Variants in PLCL1 observed in about 807,000 individuals in gnomAD.
PLCL1 encodes phospholipase C like 1 (inactive), also known as inactive phospholipase C-like protein 1.
A neutral mutation model predicts 84.4 loss-of-function variants in PLCL1; 41 were observed. The ratio of observed to expected loss-of-function variants is 0.49; its 90% CI spans 0.38 to 0.63. The LOEUF (loss-of-function observed/expected upper bound fraction) is 0.63, where lower values mean the gene tolerates loss of function less well. Ranked by LOEUF, PLCL1 falls within the 30% of genes least tolerant of loss-of-function variation. The pLI is 0.00. For missense variants in PLCL1, 1,206 were observed against 1,367.8 expected (o/e 0.88, Z 1.87); for synonymous variants, 490 against 488.3 (o/e 1.00, Z -0.05).
At chr2:197,866,320 T>G (rs952193608) in intron 1 of PLCL1, among the ~76,000 whole-genome samples, 1 of 151,268 alleles carries the variant, frequency 6.6e-6, no homozygotes, top group African/African-American at 2.4e-5. Flanking sequence ...GAAAATGTTC[T>G]TTGTAAACAG....
intron 3 of PLCL1, among the ~76,000 whole-genome samples, chr2:198,100,800 G>A (rs953519604): frequency 6.6e-6 from 1 of 151,724 alleles, no homozygotes; most frequent in African/African-American, 2.4e-5. Flanking sequence ...TCATTTTTTT[G>A]GTGGGAGTGG....
intron 1 of PLCL1, among the ~76,000 whole-genome samples, chr2:197,870,864 G>A (rs1367340535): frequency 1.3e-5 from 2 of 152,100 alleles, no homozygotes; most frequent in Admixed American, 6.6e-5. Context: ...CTACTGGGGG[G>A]AAAAGAGACC....
intron 5 of PLCL1, among the ~76,000 whole-genome samples, chr2:198,115,750 A>G (rs1693729647): frequency 6.6e-6 from 1 of 151,648 alleles, no homozygotes; most frequent in South Asian, 2.1e-4. Context: ...TTATAAAACC[A>G]TCAGGTCTCG....
At chr2:198,095,657 T>C (rs1693173533) in intron 3 of PLCL1, among the ~76,000 whole-genome samples, 1 of 152,200 alleles carries the variant, frequency 6.6e-6, no homozygotes. Flanking sequence ...GGGATGTGAA[T>C]ATGTTACTCA....
Position 198,061,257 on chromosome 2 carries a change from C to G in PLCL1, c.241-22501C>G, listed in dbSNP as rs574159891. Among the ~76,000 whole-genome samples, 26 of 152,278 alleles carry G rather than the reference C, an allele frequency of 1.7e-4. No individual in the cohort carries two copies. The East Asian group carries it at 5.0e-3, about 29-fold the overall frequency. On this transcript the variant is annotated intron_variant, in intron 1 of 5. Coordinates refer to ENST00000428675, the MANE Select transcript of PLCL1 (RefSeq NM_006226.4). The stretch of plus-strand genomic sequence containing the variant: ...AAAGATGTGAACATTTTATCTAAAA[C>G]GTGCACTCTGTTAATTAGTAACTTT...
intron 1 of PLCL1, among the ~76,000 whole-genome samples, chr2:198,016,146 C>A (rs1466165174): frequency 2.6e-5 from 4 of 152,068 alleles, no homozygotes; most frequent in African/African-American, 9.7e-5. Context: ...TGAGGAGGGA[C>A]AGATGAATGG....
intron 3 of PLCL1, among the ~76,000 whole-genome samples, chr2:198,097,391 T>A (rs1693227080): frequency 6.6e-6 from 1 of 152,252 alleles, no homozygotes; most frequent in South Asian, 2.1e-4. Flanking sequence ...TTTGTGGAAT[T>A]TTGTCCATGC....
chr2:197,961,237 T>TA (rs1192033066), intron 1 of PLCL1, among the ~76,000 whole-genome samples: 3 of 76,030 alleles, frequency 3.9e-5, no homozygotes, highest in African/African-American at 1.7e-4. Context: ...TTTGGGAAGG[T>TA]GGAGAGAGAG....
At chr2:197,826,194 C>T (rs938160832) in intron 1 of PLCL1, among the ~76,000 whole-genome samples, 1 of 152,164 alleles carries the variant, frequency 6.6e-6, no homozygotes, top group Non-Finnish European at 1.5e-5. Flanking sequence ...GACTACCCAT[C>T]TGCTATCTTG....
intron 1 of PLCL1, among the ~76,000 whole-genome samples, chr2:197,909,254 G>A (rs1688439973): frequency 2.6e-5 from 4 of 152,042 alleles, no homozygotes; most frequent in Admixed American, 2.6e-4. Context: ...TATATAGCTG[G>A]AAAAACCTTT....
At chr2:197,967,197 TA>T (rs1689761485) in intron 1 of PLCL1, among the ~76,000 whole-genome samples, 1 of 151,888 alleles carries the variant, frequency 6.6e-6, no homozygotes, top group Non-Finnish European at 1.5e-5. Context: ...ATTAGCAGTT[TA>T]TTTATTTATT....
At chr2:197,841,042 T>A (rs1213551610) in intron 1 of PLCL1, among the ~76,000 whole-genome samples, 1 of 152,198 alleles carries the variant, frequency 6.6e-6, no homozygotes, top group Non-Finnish European at 1.5e-5. Flanking sequence ...AGAGAAGTTT[T>A]AGATTTACAG....
intron 5 of PLCL1, among the ~76,000 whole-genome samples, chr2:198,141,740 C>T (rs1017720413): frequency 9.2e-5 from 14 of 152,160 alleles, no homozygotes; most frequent in African/African-American, 3.4e-4. Flanking sequence ...TCTACTGCAG[C>T]ACTGTCCAAG....
chr2:197,938,702 C>T (rs987462310), intron 1 of PLCL1, among the ~76,000 whole-genome samples: 7 of 152,126 alleles, frequency 4.6e-5, no homozygotes, highest in African/African-American at 1.4e-4. Flanking sequence ...TATATAACTT[C>T]CTGAAGGTCA....
intron 1 of PLCL1, among the ~76,000 whole-genome samples, chr2:198,032,319 A>G (rs917241680): frequency 1.7e-4 from 26 of 152,030 alleles, no homozygotes; most frequent in Admixed American, 1.6e-3. Context: ...GCAGGCTCAA[A>G]ATAAATGAGA....
chr2:198,112,704 T>C (rs2105920977), intron 5 of PLCL1, among the ~76,000 whole-genome samples: 1 of 152,030 alleles, frequency 6.6e-6, no homozygotes, highest in East Asian at 1.9e-4. Context: ...AAAAATAATG[T>C]TGGAATTTTG....
intron 1 of PLCL1, among the ~76,000 whole-genome samples, chr2:197,847,636 G>T (rs990082069): frequency 6.6e-6 from 1 of 152,162 alleles, no homozygotes; most frequent in African/African-American, 2.4e-5. Context: ...ACTGAAATTT[G>T]GAGGAACTGG....
intron 1 of PLCL1, among the ~76,000 whole-genome samples, chr2:198,023,623 T>G (rs116165148): frequency 0.69 from 104,582 of 152,158 alleles, 36,304 homozygotes; most frequent in Middle Eastern, 0.85. Context: ...AGACATTTAT[T>G]CGGCCAATGA....
chr2:197,936,136 C>CCG (rs994544124), intron 1 of PLCL1, among the ~76,000 whole-genome samples: 2 of 146,260 alleles, frequency 1.4e-5, no homozygotes, highest in Non-Finnish European at 3.0e-5. Flanking sequence ...TAAACACCCC[C>CCG]CCCCTCACAT....
Sources: gnomAD v4.1 joint callset for allele counts (sites outside exome capture counted in the v4.1 genomes callset) on GRCh38, gnomAD v4.1.1 for gene constraint, MANE v1.5 for transcripts, NCBI Gene and HGNC (gene_info 2026-07-23, HGNC 2026-07-21) for gene names.